Variants in MRPL19 observed in about 807,000 individuals in gnomAD.
MRPL19 encodes the protein mitochondrial ribosomal protein L19.
A neutral mutation model predicts 34.0 loss-of-function variants in MRPL19; 31 were observed. The observed-to-expected ratio is 0.91, with a 90% CI of 0.68 to 1.23. The LOEUF (loss-of-function observed/expected upper bound fraction) is 1.23. Among genes scored for constraint, MRPL19 ranks in the 50% most tolerant of loss-of-function variants. The probability of loss-of-function intolerance (pLI) is 0.00; values close to 1 mark genes in which losing one functional copy is unlikely to be tolerated. For synonymous variants in MRPL19, 152 were observed against 127.7 expected (o/e 1.19, Z -1.28); for missense variants, 384 against 367.6 (o/e 1.04, Z -0.37).
chr2:75,650,429 C>T (rs1178955931), intron 2 of MRPL19, among the ~76,000 whole-genome samples: 1 of 152,066 alleles, frequency 6.6e-6, no homozygotes, highest in Non-Finnish European at 1.5e-5. Context: ...AGAGGGAGAA[C>T]CAGCAACTTA....
intron 2 of MRPL19, among the ~76,000 whole-genome samples, chr2:75,650,912 C>T (rs1428562563): frequency 6.6e-6 from 1 of 152,084 alleles, no homozygotes; most frequent in Non-Finnish European, 1.5e-5. Context: ...CTGGACAGCA[C>T]CTTCTGATTG....
At position 75,658,184 on chromosome 2, in the gene MRPL19, CCTT is replaced by C. The variant is rs1678507559; in HGVS notation, c.*2900_*2902del. 6.6e-6 allele frequency among the ~76,000 whole-genome samples: 1 copy of C among 152,044 alleles called. No homozygotes were observed. Among genetic ancestry groups the C allele is most frequent in the Admixed American group, 6.6e-5 (1 of 15,252 alleles). On this transcript the variant is annotated 3_prime_UTR_variant, in exon 6 of 6. Coordinates refer to ENST00000393909, the MANE Select transcript of MRPL19 (RefSeq NM_014763.4). ...CAAAATCCTGGGCTCAAGCAATCCT[CCTT>C]GAGTAGCTAAGACTATAGGCACACA...
At position 75,655,322 on chromosome 2, in the gene MRPL19, T is replaced by C. The variant is rs767730703; in HGVS notation, c.*37T>C. ...AATTTGGTTAGTTGCAGAAGATACA[T>C]TGGCTCTAAGAGGATATATTTTGAG... On this transcript the variant is annotated 3_prime_UTR_variant, in exon 6 of 6. Coordinates refer to ENST00000393909, the MANE Select transcript of MRPL19 (RefSeq NM_014763.4). 9 of 1,488,064 alleles carry C rather than the reference T, an allele frequency of 6.0e-6. No individual in the cohort carries two copies. Among genetic ancestry groups the C allele is most frequent in the South Asian group, 3.5e-5 (3 of 86,806 alleles). The allele number at this position is 1,488,064 out of a possible 1,614,324, so 92.2% of individuals were successfully genotyped here. A position where few individuals can be genotyped will look rare whatever the true frequency, so the allele number is the denominator to read the frequency against.
Position 75,655,050 on chromosome 2 carries a change from T to TAA in MRPL19, c.658-14_658-13insAA. On this transcript the variant is annotated splice_polypyrimidine_tract_variant and intron_variant, in intron 5 of 5. Coordinates refer to ENST00000393909, the MANE Select transcript of MRPL19 (RefSeq NM_014763.4). The stretch of plus-strand genomic sequence containing the variant: ...TATTGCTTTTTTTTTTTTTTTTTTT[T>TAA]TAATCTTCCTTAGCTGAAAGTAAAA... The TAA allele has an allele frequency of 2.1e-6, 3 of 1,426,180 alleles. No individual in the cohort carries two copies. Among genetic ancestry groups the TAA allele is most frequent in the Non-Finnish European group, 2.8e-6 (3 of 1,055,782 alleles). The allele number at this position is 1,426,180 out of a possible 1,614,324, so 88.3% of individuals were successfully genotyped here.
chr2:75,654,083 AATTT>A (rs1240697897), intron 4 of MRPL19, among the ~76,000 whole-genome samples: 2 of 152,122 alleles, frequency 1.3e-5, no homozygotes, highest in African/African-American at 4.8e-5. Context: ...AAAGAACAGA[AATTT>A]ATTTCTCACA....
intron 2 of MRPL19, 59 bp from the exon 3 acceptor site, chr2:75,652,083 A>G: frequency 3.0e-6 from 3 of 1,006,004 alleles, no homozygotes; most frequent in Middle Eastern, 3.3e-4. Context: ...AAAAGCAACA[A>G]TTTTTCTTCT....
chr2:75,655,047 T>C lies in MRPL19; in HGVS notation c.658-17T>C, dbSNP rs1678414658. 6.7e-7 allele frequency: 1 copy of C among 1,488,486 alleles called. No individual in the cohort carries two copies. The highest frequency in any genetic ancestry group is 2.5e-5 in the Admixed American group (1 of 39,788). The allele number at this position is 1,488,486 out of a possible 1,614,324, so 92.2% of individuals were successfully genotyped here. A position where few individuals can be genotyped will look rare whatever the true frequency, so the allele number is the denominator to read the frequency against. On this transcript the variant is annotated splice_polypyrimidine_tract_variant and intron_variant, in intron 5 of 5. Transcript: ENST00000393909. ...AATTATTGCTTTTTTTTTTTTTTTTTTTTTAATCTTCCTTAGCTGAAAGTA... is the reference window on the plus strand; with the variant it reads ...AATTATTGCTTTTTTTTTTTTTTTTCTTTTAATCTTCCTTAGCTGAAAGTA...
At position 75,655,123 on chromosome 2, in the gene MRPL19, T is replaced by C. The variant is rs780877905; in HGVS notation, c.717T>C (p.Asn239=). ...WSKRWERPNF[N]IKGIRFDLCL... ...AACGCTGGGAACGTCCAAATTTTAA[T>C]ATTAAAGGAATCAGATTTGATCTTT... Residue 239 remains asparagine (N), a synonymous_variant, in exon 6 of 6, where the codon AAT becomes AAC. Coordinates refer to ENST00000393909, the MANE Select transcript of MRPL19 (RefSeq NM_014763.4). The C allele has an allele frequency of 6.2e-7, 1 of 1,611,800 alleles. No individual in the cohort carries two copies.
In MRPL19 at chr2:75,654,482, C is replaced by T. The variant is rs535336217; in HGVS notation, c.476-254C>T. Among the ~76,000 whole-genome samples the T allele has an allele frequency of 1.2e-3, 186 of 152,274 alleles. 1 individual carries two copies. Among genetic ancestry groups the T allele is most frequent in the Non-Finnish European group, 2.2e-3 (150 of 68,012 alleles). ...AGAATTGAAGAGATATGTGACTCAA[C>T]ATATTTCTAGAAGCCATTTTTTTCT... On this transcript the variant is annotated intron_variant, in intron 4 of 5. Coordinates refer to ENST00000393909, the MANE Select transcript of MRPL19 (RefSeq NM_014763.4).
intron 2 of MRPL19, among the ~76,000 whole-genome samples, chr2:75,648,281 A>G (rs2104123113): frequency 6.6e-6 from 1 of 152,328 alleles, no homozygotes; most frequent in South Asian, 2.1e-4. Context: ...TAAGTTGTGT[A>G]TACCTTCTCA....
chr2:75,652,547 C>G lies in MRPL19; in HGVS notation c.365C>G (p.Ala122Gly), dbSNP rs1225202246. 2.5e-6 allele frequency: 4 copies of G among 1,613,756 alleles called. No homozygotes were observed. The highest frequency in any genetic ancestry group is 1.7e-4 in the Middle Eastern group (1 of 6,058). Reference protein sequence around the residue: ...YVGSILRVTTADPYASGKISQ... With the variant: ...YVGSILRVTTGDPYASGKISQ... ...GGAAGTATTCTTCGTGTTACTACAG[C>G]TGACCCATATGCCAGTGGAAAAATC... Residue 122 changes from alanine to glycine, a missense_variant, in exon 4 of 6, where the codon GCT (alanine) becomes GGT (glycine). Coordinates refer to ENST00000393909, the MANE Select transcript of MRPL19 (RefSeq NM_014763.4).
In MRPL19 at chr2:75,646,826, G is replaced by T; in HGVS notation, c.19G>T (p.Ala7Ser). 1 of 1,564,576 alleles carries T rather than the reference G, an allele frequency of 6.4e-7. No homozygotes were observed. Among genetic ancestry groups the T allele is most frequent in the Admixed American group, 1.9e-5 (1 of 52,596 alleles). The change falls in exon 1 of 6, where the codon GCG becomes TCG. Residue 7 changes from alanine to serine, a missense_variant. Coordinates refer to ENST00000393909, the MANE Select transcript of MRPL19 (RefSeq NM_014763.4). MAACIAAGHWAAMGLGR... is the reference protein window; with the variant it reads MAACIASGHWAAMGLGR... ...AGCTGGCATGGCGGCCTGCATTGCA[G>T]CGGGGCACTGGGCTGCAATGGGCCT... is the stretch of plus-strand genomic sequence containing the variant.
At chr2:75,654,990 TCAG>T in intron 5 of MRPL19, 71 bp from the exon 6 acceptor site, 1 of 1,519,474 alleles carries the variant, frequency 6.6e-7, no homozygotes, top group Non-Finnish European at 8.9e-7. Context: ...AATGAAAACT[TCAG>T]AAGAATTTTT....
chr2:75,652,056 C>A, intron 2 of MRPL19, 86 bp from the exon 3 acceptor site: 1 of 705,374 alleles, frequency 1.4e-6, no homozygotes, highest in Non-Finnish European at 2.3e-6. Flanking sequence ...ACATCAATAT[C>A]ATATTTAATT....
At chr2:75,652,050 C>A (rs1053711722) in intron 2 of MRPL19, 92 bp from the exon 3 acceptor site, 5 of 667,564 alleles carry the variant, frequency 7.5e-6, no homozygotes, top group Non-Finnish European at 1.3e-5. Flanking sequence ...TAAAATACAT[C>A]AATATCATAT....
In MRPL19 at chr2:75,648,729, T is replaced by G. The variant is rs567651696; in HGVS notation, c.221+1510T>G. 8.3e-3 allele frequency among the ~76,000 whole-genome samples: 1,234 copies of G among 147,846 alleles called. 9 individuals carry two copies. The highest frequency in any genetic ancestry group is 0.013 in the Non-Finnish European group (862 of 67,158). On this transcript the variant is annotated intron_variant, in intron 2 of 5. Coordinates refer to ENST00000393909, the MANE Select transcript of MRPL19 (RefSeq NM_014763.4). ...CAAAAAAAAAAAAAAATTAGCCAGG[T>G]GTGGTGGCATGTGCCTATAATCCCA...
chr2:75,651,336 C>T (rs1057185000), intron 2 of MRPL19: 4 of 528,644 alleles, frequency 7.6e-6, no homozygotes, highest in African/African-American at 1.9e-5. Context: ...TCAGCTCCTA[C>T]ACGATTCCTT....
At chr2:75,650,910 C>T (rs1318558174) in intron 2 of MRPL19, among the ~76,000 whole-genome samples, 1 of 152,122 alleles carries the variant, frequency 6.6e-6, no homozygotes, top group Non-Finnish European at 1.5e-5. Context: ...CTCTGGACAG[C>T]ACCTTCTGAT....
rs1415019193 is a variant in MRPL19 at position 75,655,363 on chromosome 2, T to C, written c.*78T>C. 1 of 1,062,648 alleles carries C rather than the reference T, an allele frequency of 9.4e-7. No individual in the cohort carries two copies. The highest frequency in any genetic ancestry group is 1.6e-5 in the African/African-American group (1 of 62,336). 65.8% of individuals were successfully genotyped at this position (1,062,648 alleles called of 1,614,324 possible). ...ATATTTTGAGACCAATTTAATTTCA[T>C]TTATAAGAACATAGTAATTAAGTGA... On this transcript the variant is annotated 3_prime_UTR_variant, in exon 6 of 6. Coordinates refer to ENST00000393909, the MANE Select transcript of MRPL19 (RefSeq NM_014763.4).
Sources: gnomAD v4.1 joint callset for allele counts (sites outside exome capture counted in the v4.1 genomes callset) on GRCh38, gnomAD v4.1.1 for gene constraint, MANE v1.5 for transcripts, NCBI Gene and HGNC (gene_info 2026-07-23, HGNC 2026-07-21) for gene names.